MLLT10: variants seen among roughly 807,000 people sequenced by gnomAD.
MLLT10 encodes the protein protein AF-10.
Under a neutral mutation model 129.1 loss-of-function variants are expected in MLLT10, and 30 were observed. The ratio of observed to expected loss-of-function variants is 0.23; its 90% CI spans 0.17 to 0.32. The LOEUF (loss-of-function observed/expected upper bound fraction) is 0.32, where lower values mean the gene tolerates loss of function less well. Ranked by LOEUF, MLLT10 falls within the 10% of genes least tolerant of loss-of-function variation. MLLT10 has a pLI of 1.00. For synonymous variants in MLLT10, 490 were observed against 446.4 expected (o/e 1.10, Z -1.23); for missense variants, 1,119 against 1,268.3 (o/e 0.88, Z 1.79).
rs1833878583 is a variant in MLLT10, at chr10:21,743,102, G to GCTTTTGATGT, written c.*1120_*1129dup. On this transcript the variant is annotated 3_prime_UTR_variant, in exon 23 of 23. Coordinates refer to ENST00000307729, the MANE Select transcript of MLLT10 (RefSeq NM_001195626.3). ...CAGCCCTTCCACTTTGGGGAGCCAC[G>GCTTTTGATGT]CTTTTGATGTGACAGTACCGCAGAG... 1 of 230,282 alleles carries GCTTTTGATGT rather than the reference G, an allele frequency of 4.3e-6. No individual in the cohort carries two copies. The highest frequency in any genetic ancestry group is 5.7e-5 in the Admixed American group (1 of 17,650). The allele number at this position is 230,282 out of a possible 1,614,324, so 14.3% of individuals were successfully genotyped here.
chr10:21,724,777 A>G lies in MLLT10; in HGVS notation c.1879-1467A>G, dbSNP rs148172707. Among the ~76,000 whole-genome samples the G allele has an allele frequency of 3.6e-4, 55 of 152,334 alleles. 2 individuals are homozygous for G. The East Asian group carries it at 0.011, about 29-fold the overall frequency. Reference sequence around the variant, plus strand: ...AGAGAGCATGCACATCAAAGAAAGCATTTTTATTACAGTGGATTACGCAAT... The same window carrying G: ...AGAGAGCATGCACATCAAAGAAAGCGTTTTTATTACAGTGGATTACGCAAT... On this transcript the variant is annotated intron_variant, in intron 14 of 22. Transcript: ENST00000307729.
intron 5 of MLLT10, among the ~76,000 whole-genome samples, chr10:21,611,358 A>T (rs1033256915): frequency 2.0e-5 from 3 of 151,590 alleles, no homozygotes; most frequent in Non-Finnish European, 4.4e-5. Context: ...TAGTTAGATA[A>T]TTAGTTTTTT....
intron 7 of MLLT10, among the ~76,000 whole-genome samples, chr10:21,615,354 C>T (rs891226391): frequency 2.7e-5 from 4 of 148,124 alleles, no homozygotes; most frequent in African/African-American, 5.0e-5. Flanking sequence ...CTGCTTGGGA[C>T]GCTGAGGCAG....
At chr10:21,589,598 T>G (rs2042307274) in intron 4 of MLLT10, among the ~76,000 whole-genome samples, 1 of 152,204 alleles carries the variant, frequency 6.6e-6, no homozygotes, top group Non-Finnish European at 1.5e-5. Flanking sequence ...TTTTTCCTCT[T>G]TCTGAATCCT....
chr10:21,730,418 A>G (rs1260032510), intron 16 of MLLT10, among the ~76,000 whole-genome samples: 1 of 152,186 alleles, frequency 6.6e-6, no homozygotes, highest in Non-Finnish European at 1.5e-5. Flanking sequence ...GATTCTTAAA[A>G]ATTTCTTTTT....
rs762111860 is a variant in MLLT10, at chr10:21,733,960, G to A, written c.2689G>A (p.Gly897Arg). The change falls in exon 20 of 23, where the codon GGA becomes AGA. Residue 897 changes from glycine to arginine, a missense_variant. Coordinates refer to ENST00000307729, the MANE Select transcript of MLLT10 (RefSeq NM_001195626.3). ...CATTCCTGCCGTGTCTGCAGTGGGT[G>A]GAATAATTGGAGCTTTGCCAGGTAA... ...STIPAVSAVG[G>R]IIGALPGNQL... 1.4e-5 allele frequency: 22 copies of A among 1,614,194 alleles called. 1 individual carries two copies. In the South Asian group the frequency reaches 2.3e-4, roughly 17 times the overall value.
At chr10:21,673,241 TCTC>T (rs1474748039) in intron 10 of MLLT10, 106 bp from the exon 11 acceptor site, 3 of 646,972 alleles carry the variant, frequency 4.6e-6, no homozygotes, top group Non-Finnish European at 7.3e-6. Flanking sequence ...TTTAAACTCT[TCTC>T]TTTAATGATT....
rs764280435 is a variant in MLLT10 at position 21,670,495 on chromosome 10, G to T, written c.842G>T (p.Arg281Leu). 3 of 1,613,902 alleles carry T rather than the reference G, an allele frequency of 1.9e-6. No individual in the cohort carries two copies. The highest frequency in any genetic ancestry group is 1.7e-5 in the Admixed American group (1 of 59,984). Residue 281 changes from arginine (R) to leucine (L), a missense_variant, in exon 10 of 23, where the codon CGC (arginine) becomes CTC (leucine). By Grantham distance (102) the Arg-to-Leu change is moderately radical. Transcript: ENST00000307729. ...AACTCTATATCTGGATCATTGAAGC[G>T]CTTGGAAGATACTACTGCACGATTT... ...SNNSISGSLK[R>L]LEDTTARFTN...
intron 17 of MLLT10, among the ~76,000 whole-genome samples, 178 bp from the exon 18 acceptor site, chr10:21,732,721 T>C (rs753898691): frequency 3.3e-5 from 5 of 152,208 alleles, no homozygotes; most frequent in Non-Finnish European, 7.4e-5. Context: ...AATACAAACA[T>C]AGATAGGCAA....
intron 5 of MLLT10, among the ~76,000 whole-genome samples, chr10:21,607,059 C>T (rs2044134037): frequency 1.3e-5 from 2 of 152,114 alleles, no homozygotes; most frequent in Admixed American, 1.3e-4. Flanking sequence ...GAGTTTGAGA[C>T]CACCCAGGGC....
intron 15 of MLLT10, among the ~76,000 whole-genome samples, chr10:21,727,608 TGAAAG>T (rs1453788358): frequency 6.6e-6 from 1 of 152,102 alleles, no homozygotes; most frequent in Non-Finnish European, 1.5e-5. Context: ...GCTGTAAAAT[TGAAAG>T]GAATGAAAGA....
intron 3 of MLLT10, among the ~76,000 whole-genome samples, chr10:21,544,675 A>G (rs2035789020): frequency 6.6e-6 from 1 of 152,204 alleles, no homozygotes; most frequent in Non-Finnish European, 1.5e-5. Flanking sequence ...AATGACAGAA[A>G]TGGATGTTAG....
intron 13 of MLLT10, among the ~76,000 whole-genome samples, chr10:21,682,580 T>C (rs1447939099): frequency 1.3e-5 from 2 of 152,206 alleles, no homozygotes; most frequent in Non-Finnish European, 2.9e-5. Context: ...CAGGTAATTA[T>C]TGGTACCTAG....
rs181498297 is a variant in MLLT10, at chr10:21,564,101, C to T, written c.241-22193C>T. On this transcript the variant is annotated intron_variant, in intron 3 of 22. Coordinates refer to ENST00000307729, the MANE Select transcript of MLLT10 (RefSeq NM_001195626.3). ...TGCCGGGATTACAGGCATGAGCCACCGTGCCCGGCCTATTATTATTATTTT... is the reference window on the plus strand; with the variant it reads ...TGCCGGGATTACAGGCATGAGCCACTGTGCCCGGCCTATTATTATTATTTT... Among the ~76,000 whole-genome samples, 344 of 152,166 alleles carry T rather than the reference C, an allele frequency of 2.3e-3. 3 individuals carry two copies. Among genetic ancestry groups the T allele is most frequent in the African/African-American group, 7.9e-3 (327 of 41,518 alleles).
At chr10:21,631,716 A>T (rs1395737955) in intron 8 of MLLT10, among the ~76,000 whole-genome samples, 1 of 152,134 alleles carries the variant, frequency 6.6e-6, no homozygotes, top group Non-Finnish European at 1.5e-5. Flanking sequence ...AAACAACCAG[A>T]TCTGGTGAGA....
chr10:21,631,400 A>G (rs918896528), intron 8 of MLLT10, among the ~76,000 whole-genome samples: 18 of 151,754 alleles, frequency 1.2e-4, no homozygotes, highest in Admixed American at 9.9e-4. Flanking sequence ...GCTGGAATTT[A>G]AGATGAACTA....
At chr10:21,706,918 CTCTT>C (rs1564687665) in intron 13 of MLLT10, among the ~76,000 whole-genome samples, 1 of 152,106 alleles carries the variant, frequency 6.6e-6, no homozygotes, top group African/African-American at 2.4e-5. Flanking sequence ...TCGTCAGGCT[CTCTT>C]TCTTTGCTTC....
chr10:21,577,771 T>C lies in MLLT10; in HGVS notation c.241-8523T>C, dbSNP rs1447280282. ...CAGGTGTGAGCCACCGCACCCAGCC[T>C]ATATGAAGGTTTTAATTTCTCCATC... On this transcript the variant is annotated intron_variant, in intron 3 of 22. Transcript: ENST00000307729. 2.0e-5 allele frequency among the ~76,000 whole-genome samples: 3 copies of C among 152,256 alleles called. No homozygotes were observed. In the East Asian group the frequency reaches 5.8e-4, roughly 29 times the overall value.
intron 8 of MLLT10, chr10:21,625,062 A>G (rs2046298089): frequency 3.5e-6 from 3 of 862,716 alleles, no homozygotes; most frequent in African/African-American, 1.7e-5. Context: ...TGTGGTAATC[A>G]TAACTGTAGT....
Sources: allele counts gnomAD v4.1 joint callset (sites outside exome capture counted in the v4.1 genomes callset), GRCh38; gene constraint gnomAD v4.1.1; transcripts MANE v1.5; gene names NCBI Gene and HGNC (gene_info 2026-07-23, HGNC 2026-07-21).